The following PLAA variants were observed in gnomAD, a reference collection of about 807,000 sequenced individuals.
PLAA encodes the protein phospholipase A2 activating protein.
PLAA carries 48 observed loss-of-function variants against 84.1 expected under a neutral mutation model. That is an observed-to-expected ratio of 0.57 (90% CI 0.45 to 0.73). PLAA has a LOEUF of 0.73. PLAA is among the 30% of genes least tolerant of loss of function. PLAA has a pLI of 0.00. For synonymous variants in PLAA, 392 were observed against 336.6 expected, an observed-to-expected ratio of 1.16 and a Z score of -1.80; for missense variants, 903 against 954.7, an observed-to-expected ratio of 0.95 and a Z score of 0.71.
chr9:26,913,769 A>G, intron 11 of PLAA, 110 bp downstream of exon 11: 2 of 721,292 alleles, frequency 2.8e-6, no homozygotes, highest in Non-Finnish European at 4.6e-6. Context: ...GATTTACTAT[A>G]TAAAAAGTTC....
chr9:26,910,983 T>C lies in PLAA; in HGVS notation c.1556-544A>G, dbSNP rs1023336997. On this transcript the variant is annotated intron_variant, in intron 11 of 13. Coordinates refer to ENST00000397292, the MANE Select transcript of PLAA (RefSeq NM_001031689.3). Reference sequence around the variant, plus strand: ...TAGTAGGTATTATCATTTTCTCTAATCTTTTTCTGCATCATCTTTATAAAT... The same window carrying C: ...TAGTAGGTATTATCATTTTCTCTAACCTTTTTCTGCATCATCTTTATAAAT... 4.6e-5 allele frequency among the ~76,000 whole-genome samples: 7 copies of C among 152,330 alleles called. No homozygotes were observed. In the East Asian group the frequency reaches 1.3e-3, roughly 29 times the overall value.
rs551499615 is a variant in PLAA at position 26,923,099 on chromosome 9, A to T, written c.1039+79T>A. ...TCTAGCAATGAAAAACACAAGCAAA[A>T]CAACATTTATTTTTCTTCTAATTGT... On this transcript the variant is annotated intron_variant, in intron 7 of 13. Coordinates refer to ENST00000397292, the MANE Select transcript of PLAA (RefSeq NM_001031689.3). 82 of 1,060,746 alleles carry T rather than the reference A, an allele frequency of 7.7e-5. No individual in the cohort carries two copies. The East Asian group carries it at 1.6e-3, about 21-fold the overall frequency. The allele number at this position is 1,060,746 out of a possible 1,614,324, so 65.7% of individuals were successfully genotyped here.
rs752825108 is a variant in PLAA at position 26,917,184 on chromosome 9, G to A, written c.1418-19C>T. The A allele has an allele frequency of 6.2e-7, 1 of 1,610,372 alleles. No homozygotes were observed. The highest frequency in any genetic ancestry group is 1.7e-5 in the Admixed American group (1 of 59,910). On this transcript the variant is annotated intron_variant, in intron 9 of 13. Coordinates refer to ENST00000397292, the MANE Select transcript of PLAA (RefSeq NM_001031689.3). ...CCACCACCTGTGCATGCAAAATAAA[G>A]AAAAGGCAGAAGTGCACCAAAGTTC...
chr9:26,932,214 T>TGACAAGAAA (rs369861242), intron 2 of PLAA, among the ~76,000 whole-genome samples: 47,287 of 151,796 alleles, frequency 0.31, 8,735 homozygotes, highest in East Asian at 0.69. Context: ...CACTGGATGT[T>TGACAAGAAA]TTTGTTTTGT....
Position 26,921,119 on chromosome 9 carries a change from CT to C in PLAA, c.1040-736del, listed in dbSNP as rs1419518548. 2.0e-5 allele frequency among the ~76,000 whole-genome samples: 3 copies of C among 152,142 alleles called. No individual in the cohort carries two copies. In the East Asian group the frequency reaches 5.8e-4, roughly 29 times the overall value. Reference sequence around the variant, plus strand: ...ATGACCTTACTTTCTACTATTCCCCCTGTCCCCTCATCTCCCAACTTCAGCC... The same window carrying C: ...ATGACCTTACTTTCTACTATTCCCCCGTCCCCTCATCTCCCAACTTCAGCC... On this transcript the variant is annotated intron_variant, in intron 7 of 13. Transcript: ENST00000397292.
intron 6 of PLAA, among the ~76,000 whole-genome samples, chr9:26,924,922 G>A (rs765677776): frequency 6.6e-6 from 1 of 152,190 alleles, no homozygotes; most frequent in African/African-American, 2.4e-5. Flanking sequence ...TGGCATGAGT[G>A]TGGCTCACCA....
chr9:26,908,411 C>T (rs1388913334), intron 12 of PLAA, among the ~76,000 whole-genome samples: 2 of 151,606 alleles, frequency 1.3e-5, no homozygotes, highest in African/African-American at 4.8e-5. Context: ...CGTGGTCCAC[C>T]CTCCTTAGCC....
chr9:26,913,326 G>C (rs894025865), intron 11 of PLAA, among the ~76,000 whole-genome samples: 4 of 152,088 alleles, frequency 2.6e-5, no homozygotes, highest in African/African-American at 9.7e-5. Context: ...AGGTATGTCA[G>C]ACTGTAGACT....
chr9:26,908,422 TC>T (rs1261980743), intron 12 of PLAA, among the ~76,000 whole-genome samples: 1 of 151,604 alleles, frequency 6.6e-6, no homozygotes, highest in African/African-American at 2.4e-5. Context: ...CTCCTTAGCC[TC>T]CCGAAGTGCT....
At chr9:26,922,501 T>C (rs1824802542) in intron 7 of PLAA, among the ~76,000 whole-genome samples, 1 of 152,106 alleles carries the variant, frequency 6.6e-6, no homozygotes, top group African/African-American at 2.4e-5. Flanking sequence ...CCTGAAAGGA[T>C]CTCAGAATCC....
At chr9:26,942,204 T>C (rs950115884) in intron 1 of PLAA, among the ~76,000 whole-genome samples, 9 of 152,232 alleles carry the variant, frequency 5.9e-5, no homozygotes, top group South Asian at 2.1e-4. Flanking sequence ...TTAGAGGTTA[T>C]GTTCCAATAA....
At chr9:26,922,309 G>A (rs1824792314) in intron 7 of PLAA, among the ~76,000 whole-genome samples, 1 of 149,612 alleles carries the variant, frequency 6.7e-6, no homozygotes, top group South Asian at 2.1e-4. Flanking sequence ...AACTACAACT[G>A]CATGCAAGTA....
At chr9:26,946,661 G>C (rs553822144) in intron 1 of PLAA, among the ~76,000 whole-genome samples, 2 of 152,356 alleles carry the variant, frequency 1.3e-5, no homozygotes, top group East Asian at 3.9e-4. Context: ...AGACTCGTCT[G>C]TGGTCAAGTT....
intron 1 of PLAA, among the ~76,000 whole-genome samples, chr9:26,940,835 T>C (rs1008798272): frequency 6.6e-6 from 1 of 152,196 alleles, no homozygotes; most frequent in African/African-American, 2.4e-5. Flanking sequence ...TTTCAACTTG[T>C]TCACTTCATT....
At chr9:26,943,560 G>A (rs1825603393) in intron 1 of PLAA, among the ~76,000 whole-genome samples, 1 of 151,930 alleles carries the variant, frequency 6.6e-6, no homozygotes. Flanking sequence ...AATTTACAGT[G>A]GTAAATTTCA....
intron 2 of PLAA, among the ~76,000 whole-genome samples, chr9:26,933,645 C>T (rs894263158): frequency 2.0e-5 from 3 of 150,412 alleles, no homozygotes; most frequent in East Asian, 4.0e-4. Context: ...AAAAATTAGC[C>T]GGGCGTGGTA....
At chr9:26,929,976 C>T (rs1414813145) in intron 2 of PLAA, among the ~76,000 whole-genome samples, 5 of 151,784 alleles carry the variant, frequency 3.3e-5, no homozygotes, top group East Asian at 1.9e-4. Context: ...CCAGACAAAA[C>T]GGTAGCTGAC....
rs967347218 is a variant in PLAA at position 26,914,978 on chromosome 9, T to C, written c.1487-1031A>G. On this transcript the variant is annotated intron_variant, in intron 10 of 13. Transcript: ENST00000397292. ...CTGTAAACCCAGCACTTTGGGAGGC[T>C]GAGGCGGGTGGATCACCTGAGGTCA... Among the ~76,000 whole-genome samples, 3 of 152,160 alleles carry C rather than the reference T, an allele frequency of 2.0e-5. No homozygotes were observed. In the South Asian group the frequency reaches 6.2e-4, roughly 32 times the overall value.
At position 26,928,173 on chromosome 9, in the gene PLAA, GC is replaced by G; in HGVS notation, c.491del (p.Gly164AlafsTer2). The part of the protein sequence containing the change: ...VWAVKILPEQ[G>X]LMLTGSADKT... The stretch of plus-strand genomic sequence containing the variant: ...TGTCTGCTGATCCAGTCAACATTAA[GC>G]CCTGTTCAGGTAAGATCTTTACCGC... On this transcript the variant is annotated frameshift_variant, in exon 4 of 14. Transcript: ENST00000397292. LOFTEE classifies it high-confidence loss of function. The G allele has an allele frequency of 6.2e-7, 1 of 1,614,116 alleles. No individual in the cohort carries two copies. Among genetic ancestry groups the G allele is most frequent in the Non-Finnish European group, 8.5e-7 (1 of 1,179,998 alleles).
Sources: allele counts gnomAD v4.1 joint callset (sites outside exome capture counted in the v4.1 genomes callset), GRCh38; gene constraint gnomAD v4.1.1; transcripts MANE v1.5; gene names NCBI Gene and HGNC (gene_info 2026-07-23, HGNC 2026-07-21).